FBXO21: variants seen among roughly 807,000 people sequenced by gnomAD.
FBXO21 encodes F-box only protein 21.
FBXO21 carries 32 observed loss-of-function variants against 76.6 expected under a neutral mutation model. That is an observed-to-expected ratio of 0.42 (90% CI 0.32 to 0.56). The LOEUF (loss-of-function observed/expected upper bound fraction) is 0.56, where lower values mean the gene tolerates loss of function less well. FBXO21 is among the 20% of genes least tolerant of loss of function. The pLI is 0.16. For missense variants in FBXO21, 586 were observed against 797.3 expected (o/e 0.73, Z 3.19); for synonymous variants, 328 against 311.5 (o/e 1.05, Z -0.56).
At chr12:117,167,119 ATTATT>A (rs781034917) in intron 7 of FBXO21, 42 bp from the exon 8 acceptor site, 15 of 1,519,650 alleles carry the variant, frequency 9.9e-6, no homozygotes, top group Non-Finnish European at 1.4e-5. Context: ...TGAACAACTC[ATTATT>A]TTAAGTCTCC....
intron 2 of FBXO21, 86 bp from the exon 3 acceptor site, chr12:117,186,657 G>T: frequency 1.2e-6 from 1 of 805,940 alleles, no homozygotes; most frequent in Non-Finnish European, 2.1e-6. Flanking sequence ...AAATAAAGAT[G>T]TCCACTACTA....
rs893803957 is a variant in FBXO21 at position 117,156,081 on chromosome 12, CT to C, written c.1518-134del. The C allele has an allele frequency of 8.2e-6, 6 of 731,742 alleles. No individual in the cohort carries two copies. In the African/African-American group the frequency reaches 8.7e-5, roughly 11 times the overall value. The allele number at this position is 731,742 out of a possible 1,614,324, so 45.3% of individuals were successfully genotyped here. On this transcript the variant is annotated intron_variant, in intron 10 of 11. Coordinates refer to ENST00000622495, the MANE Select transcript of FBXO21 (RefSeq NM_015002.3). Reference sequence around the variant, plus strand: ...CGGTGAATCATTTTTCAGGACACCCCTAACCCCTTTTATAAACACCTCTTAT... The same window carrying C: ...CGGTGAATCATTTTTCAGGACACCCCAACCCCTTTTATAAACACCTCTTAT...
At position 117,145,769 on chromosome 12, in the gene FBXO21, T is replaced by C; in HGVS notation, c.*318A>G. ...AGGGGAATGGAGTGAATACAAAGAA[T>C]GATTACAGGAGCGTCGACTGTGAGA... On this transcript the variant is annotated 3_prime_UTR_variant, in exon 12 of 12. Transcript: ENST00000622495. The C allele has an allele frequency of 5.0e-6, 1 of 198,316 alleles. No individual in the cohort carries two copies. The highest frequency in any genetic ancestry group is 5.7e-5 in the Admixed American group (1 of 17,496). The allele number at this position is 198,316 out of a possible 1,614,324, so 12.3% of individuals were successfully genotyped here.
rs1955759566 is a variant in FBXO21 at position 117,145,480 on chromosome 12, T to TG, written c.*606dup. 6.6e-6 allele frequency: 1 copy of TG among 152,168 alleles called. No individual in the cohort carries two copies. Among genetic ancestry groups the TG allele is most frequent in the African/African-American group, 2.4e-5 (1 of 41,450 alleles). 9.4% of individuals were successfully genotyped at this position (152,168 alleles called of 1,614,324 possible). Reference sequence around the variant, plus strand: ...ATTTAAAAAAAAAAGATAAAACACTTGAAATCTGTGTTTCACATATTAGAA... The same window carrying TG: ...ATTTAAAAAAAAAAGATAAAACACTTGGAAATCTGTGTTTCACATATTAGAA... On this transcript the variant is annotated 3_prime_UTR_variant, in exon 12 of 12. Coordinates refer to ENST00000622495, the MANE Select transcript of FBXO21 (RefSeq NM_015002.3).
chr12:117,161,328 A>G lies in FBXO21; in HGVS notation c.1327-3265T>C, dbSNP rs1260097361. ...GGCACACAGAAAAAGTAGTGGGTGC[A>G]GGAGAGGACCAAGGAACTCCACGGG... On this transcript the variant is annotated intron_variant, in intron 9 of 11. Transcript: ENST00000622495. Among the ~76,000 whole-genome samples, 7 of 152,120 alleles carry G rather than the reference A, an allele frequency of 4.6e-5. No homozygotes were observed. The East Asian group carries it at 1.4e-3, about 29-fold the overall frequency.
intron 11 of FBXO21, among the ~76,000 whole-genome samples, chr12:117,148,890 A>G (rs1018636610): frequency 6.6e-6 from 1 of 152,202 alleles, no homozygotes; most frequent in Admixed American, 6.5e-5. Context: ...TGAGTCATCC[A>G]CTAACTCTGA....
chr12:117,159,727 C>A (rs765597960), intron 9 of FBXO21, among the ~76,000 whole-genome samples: 1 of 152,164 alleles, frequency 6.6e-6, no homozygotes, highest in Non-Finnish European at 1.5e-5. Flanking sequence ...TACCAACAAG[C>A]CGCTTTTTCT....
intron 11 of FBXO21, chr12:117,155,543 G>C: frequency 1.7e-6 from 1 of 574,544 alleles, no homozygotes; most frequent in Non-Finnish European, 3.1e-6. Flanking sequence ...TGGCCAATCA[G>C]ATGTCCGGGC....
rs1311002512 is a variant in FBXO21, at chr12:117,142,161, G to C, written c.*3926C>G. ...AAATGCAACATTCAAGGTTAAAGTC[G>C]CTGCTAGACCAAGGCTAAACCGTGG... On this transcript the variant is annotated 3_prime_UTR_variant, in exon 12 of 12. Coordinates refer to ENST00000622495, the MANE Select transcript of FBXO21 (RefSeq NM_015002.3). 1 of 152,178 alleles carries C rather than the reference G, an allele frequency of 6.6e-6. No individual in the cohort carries two copies. The allele number at this position is 152,178 out of a possible 1,614,324, so 9.4% of individuals were successfully genotyped here. A position where few individuals can be genotyped will look rare whatever the true frequency, so the allele number is the denominator to read the frequency against.
chr12:117,190,160 G>T (rs919495606), intron 1 of FBXO21, 58 bp downstream of exon 1: 2 of 984,164 alleles, frequency 2.0e-6, no homozygotes, highest in East Asian at 1.1e-4. Context: ...GCGGCTGCCC[G>T]GCCCCGGGGG....
At position 117,187,559 on chromosome 12, in the gene FBXO21, G is replaced by A. The variant is rs954271915; in HGVS notation, c.376-988C>T. Among the ~76,000 whole-genome samples, 9 of 152,008 alleles carry A rather than the reference G, an allele frequency of 5.9e-5. No individual in the cohort carries two copies. In the East Asian group the frequency reaches 9.6e-4, roughly 16 times the overall value. On this transcript the variant is annotated intron_variant, in intron 2 of 11. Coordinates refer to ENST00000622495, the MANE Select transcript of FBXO21 (RefSeq NM_015002.3). ...GAGAACACAGGAACGCCAAGATCCC[G>A]GGCCAAAGCAATCACCCACCCACAG...
intron 7 of FBXO21, among the ~76,000 whole-genome samples, chr12:117,167,301 G>A (rs916476161): frequency 2.0e-5 from 3 of 152,116 alleles, no homozygotes; most frequent in Non-Finnish European, 2.9e-5. Flanking sequence ...ATCTAATAGC[G>A]TTCTTTAGGA....
intron 3 of FBXO21, among the ~76,000 whole-genome samples, chr12:117,181,657 T>G (rs868042866): frequency 2.6e-5 from 4 of 151,810 alleles, no homozygotes; most frequent in Non-Finnish European, 5.9e-5. Flanking sequence ...AATCTAGCTA[T>G]CTATCTATCT....
chr12:117,175,177 A>G (rs1219871852), intron 4 of FBXO21, among the ~76,000 whole-genome samples: 1 of 151,874 alleles, frequency 6.6e-6, no homozygotes, highest in Non-Finnish European at 1.5e-5. Flanking sequence ...TGAAAACTTA[A>G]TGGTATAAGG....
At position 117,166,933 on chromosome 12, in the gene FBXO21, CTG is replaced by C; in HGVS notation, c.1156_1157del (p.Gln386GlufsTer59). On this transcript the variant is annotated frameshift_variant, in exon 8 of 12. Coordinates refer to ENST00000622495, the MANE Select transcript of FBXO21 (RefSeq NM_015002.3). LOFTEE classifies it high-confidence loss of function. ...GGCTTAACAGGTTTCCCACCATTCT[CTG>C]TAACACCTTCTTGACATTGACCACC... is the stretch of plus-strand genomic sequence containing the variant. Reference protein sequence around the residue: ...YGVVNVKKVLQRMVGNLLSLG... With the variant: ...YGVVNVKKVLXRMVGNLLSLG... The C allele has an allele frequency of 6.2e-7, 1 of 1,614,222 alleles. No homozygotes were observed. Among genetic ancestry groups the C allele is most frequent in the Non-Finnish European group, 8.5e-7 (1 of 1,180,046 alleles).
chr12:117,161,488 T>C (rs1485759069), intron 9 of FBXO21, among the ~76,000 whole-genome samples: 1 of 151,914 alleles, frequency 6.6e-6, no homozygotes, highest in Non-Finnish European at 1.5e-5. Flanking sequence ...CTAATTGATA[T>C]TTTGTTAAGA....
chr12:117,174,871 A>G, intron 4 of FBXO21, 74 bp from the exon 5 acceptor site: 3 of 1,466,002 alleles, frequency 2.0e-6, no homozygotes, highest in Non-Finnish European at 2.8e-6. Context: ...TTTACCCTGG[A>G]CATCCTGGGA....
At chr12:117,188,953 C>T (rs1956317221) in intron 2 of FBXO21, 1 of 375,928 alleles carries the variant, frequency 2.7e-6, no homozygotes, top group East Asian at 4.4e-5. Flanking sequence ...CTGATCTGGA[C>T]TCCGTCTACA....
chr12:117,165,565 G>C lies in FBXO21; in HGVS notation c.1246C>G (p.Leu416Val). The change falls in exon 9 of 12, where the codon CTG (leucine) becomes GTG (valine). Residue 416 changes from leucine (L) to valine (V), a missense_variant. Physicochemically the swap from Leu to Val is conservative, Grantham distance 32. Transcript: ENST00000622495. ...TGCACCTGGTCCGGGTACATTGCCA[G>C]ATAGAGATCCAGCGAGTCTCTCAGG... Reference protein sequence around the residue: ...QLLRDSLDLYLAMYPDQVQLL... With the variant: ...QLLRDSLDLYVAMYPDQVQLL... The C allele has an allele frequency of 6.2e-7, 1 of 1,613,956 alleles. No individual in the cohort carries two copies. Among genetic ancestry groups the C allele is most frequent in the Non-Finnish European group, 8.5e-7 (1 of 1,179,858 alleles).
Sources: allele counts gnomAD v4.1 joint callset (sites outside exome capture counted in the v4.1 genomes callset), GRCh38; gene constraint gnomAD v4.1.1; transcripts MANE v1.5; gene names NCBI Gene and HGNC (gene_info 2026-07-23, HGNC 2026-07-21).